GLRA1: variants seen among roughly 807,000 people sequenced by gnomAD.
GLRA1 encodes the protein glycine receptor subunit alpha-1.
GLRA1 carries 37 observed loss-of-function variants against 48.3 expected under a neutral mutation model. The ratio of observed to expected loss-of-function variants is 0.77; its 90% CI spans 0.59 to 1.01. GLRA1 has a LOEUF of 1.01. Ranked by LOEUF, GLRA1 falls within the 50% of genes least tolerant of loss-of-function variation. The probability of loss-of-function intolerance (pLI) is 0.00; values close to 1 mark genes in which losing one functional copy is unlikely to be tolerated. For missense variants in GLRA1, 427 were observed against 571.0 expected (o/e 0.75, Z 2.57); for synonymous variants, 196 against 210.7 (o/e 0.93, Z 0.60).
intron 1 of GLRA1, among the ~76,000 whole-genome samples, chr5:151,907,449 C>A (rs1235966531): frequency 6.6e-6 from 1 of 152,084 alleles, no homozygotes; most frequent in Non-Finnish European, 1.5e-5. Context: ...ACAGGTTGGA[C>A]TTTAAAACAG....
Position 151,851,444 on chromosome 5 carries a change from G to A in GLRA1, c.858C>T (p.Thr286=), listed in dbSNP as rs781137100. ...AAPARVGLGI[T]TVLTMTTQSS... is the part of the protein sequence containing the mutation. ...TCTGGGTGGTCATGGTGAGCACAGT[G>A]GTGATGCCTAGGCCCACACGAGCAG... Residue 286 remains threonine, a synonymous_variant, in exon 7 of 9, where the codon ACC becomes ACT. Coordinates refer to ENST00000274576, the MANE Select transcript of GLRA1 (RefSeq NM_000171.4). The A allele has an allele frequency of 3.7e-6, 6 of 1,614,018 alleles. No individual in the cohort carries two copies. In the East Asian group the frequency reaches 1.1e-4, roughly 30 times the overall value.
At chr5:151,844,458 C>T (rs1480580983) in intron 7 of GLRA1, among the ~76,000 whole-genome samples, 4 of 150,492 alleles carry the variant, frequency 2.7e-5, no homozygotes, top group South Asian at 4.2e-4. Context: ...CCCATCTCTA[C>T]TAAAAATATA....
intron 3 of GLRA1, among the ~76,000 whole-genome samples, chr5:151,882,406 T>C (rs1283184350): frequency 6.6e-6 from 1 of 152,246 alleles, no homozygotes; most frequent in Non-Finnish European, 1.5e-5. Flanking sequence ...CACTGCCTGG[T>C]ATGTAGTAGC....
At chr5:151,852,969 A>C (rs1431484295) in intron 6 of GLRA1, among the ~76,000 whole-genome samples, 1 of 152,234 alleles carries the variant, frequency 6.6e-6, no homozygotes, top group Admixed American at 6.5e-5. Context: ...ACATTTTTAT[A>C]TTAAGTGAAA....
At chr5:151,923,915 C>T (rs761034038) in intron 1 of GLRA1, among the ~76,000 whole-genome samples, 3 of 152,142 alleles carry the variant, frequency 2.0e-5, no homozygotes, top group Non-Finnish European at 4.4e-5. Flanking sequence ...GGTTATAATA[C>T]TATTGTTTCC....
chr5:151,826,145 G>A (rs902267330), intron 8 of GLRA1, among the ~76,000 whole-genome samples: 27 of 152,274 alleles, frequency 1.8e-4, no homozygotes, highest in African/African-American at 5.1e-4. Context: ...GGTATTAACT[G>A]GAAAATGCAT....
intron 2 of GLRA1, among the ~76,000 whole-genome samples, chr5:151,887,516 C>A (rs181945118): frequency 5.9e-5 from 9 of 152,292 alleles, no homozygotes; most frequent in Admixed American, 4.6e-4. Context: ...TTCATCATTT[C>A]AACAACTCCA....
rs547466873 is a variant in GLRA1 at position 151,825,963 on chromosome 5, A to G, written c.1059+2958T>C. Among the ~76,000 whole-genome samples the G allele has an allele frequency of 7.2e-5, 11 of 151,996 alleles. No individual in the cohort carries two copies. The East Asian group carries it at 1.2e-3, about 16-fold the overall frequency. On this transcript the variant is annotated intron_variant, in intron 8 of 8. Transcript: ENST00000274576. ...CAGAGCGGCTTACTCTAAGGAAACTATTCTTTATGGTGAGCTCACTTCTGC... is the reference window on the plus strand; with the variant it reads ...CAGAGCGGCTTACTCTAAGGAAACTGTTCTTTATGGTGAGCTCACTTCTGC...
At chr5:151,833,571 C>T (rs2113299324) in intron 7 of GLRA1, among the ~76,000 whole-genome samples, 1 of 152,236 alleles carries the variant, frequency 6.6e-6, no homozygotes, top group South Asian at 2.1e-4. Context: ...TCAAGCGATT[C>T]TCCTGCCTCA....
At chr5:151,832,652 A>ACAC (rs1763453281) in intron 7 of GLRA1, among the ~76,000 whole-genome samples, 1 of 152,248 alleles carries the variant, frequency 6.6e-6, no homozygotes, top group Admixed American at 6.5e-5. Flanking sequence ...GGACTCTGTG[A>ACAC]AAAGACCAAA....
At chr5:151,844,514 C>T (rs537868682) in intron 7 of GLRA1, among the ~76,000 whole-genome samples, 2 of 143,974 alleles carry the variant, frequency 1.4e-5, no homozygotes, top group East Asian at 2.2e-4. Flanking sequence ...TTCAGCTACT[C>T]GGGAGGCTGA....
At position 151,859,705 on chromosome 5, in the gene GLRA1, T is replaced by C. The variant is rs150177538; in HGVS notation, c.476+80A>G. ...GGCCTGTTCACCTCTGTTTGGCCCC[T>C]CTTTTAGAGTCTATGCCCAGAAGGT... On this transcript the variant is annotated intron_variant, in intron 4 of 8. Coordinates refer to ENST00000274576, the MANE Select transcript of GLRA1 (RefSeq NM_000171.4). 3.4e-4 allele frequency: 364 copies of C among 1,065,930 alleles called. 2 individuals carry two copies. In the East Asian group the frequency reaches 8.1e-3, roughly 24 times the overall value. The allele number at this position is 1,065,930 out of a possible 1,614,324, so 66.0% of individuals were successfully genotyped here.
In GLRA1 at chr5:151,892,298, A is replaced by C. The variant is rs772654498; in HGVS notation, c.184+13T>G. ...GCATTTCCCTGTGGGTCTGGAAGGA[A>C]TATTTTCTCTACCTTTAAAATTGGG... is the stretch of plus-strand genomic sequence containing the variant. On this transcript the variant is annotated intron_variant, in intron 2 of 8. Transcript: ENST00000274576. 2 of 1,613,342 alleles carry C rather than the reference A, an allele frequency of 1.2e-6. No individual in the cohort carries two copies. Among genetic ancestry groups the C allele is most frequent in the South Asian group, 2.2e-5 (2 of 91,062 alleles).
At chr5:151,850,385 C>A in intron 7 of GLRA1, 1 of 1,302,538 alleles carries the variant, frequency 7.7e-7, no homozygotes, top group Non-Finnish European at 1.1e-6. Context: ...TGATAGCAAC[C>A]TTTGATCCCA....
chr5:151,919,830 A>C (rs952140131), intron 1 of GLRA1, among the ~76,000 whole-genome samples: 1 of 152,258 alleles, frequency 6.6e-6, no homozygotes, highest in Non-Finnish European at 1.5e-5. Context: ...GAACCTGCAG[A>C]ATAGTTTCAA....
Position 151,851,389 on chromosome 5 carries a change from C to T in GLRA1, c.912+1G>A. 2 of 1,608,958 alleles carry T rather than the reference C, an allele frequency of 1.2e-6. No individual in the cohort carries two copies. Among genetic ancestry groups the T allele is most frequent in the Non-Finnish European group, 1.7e-6 (2 of 1,176,242 alleles). On this transcript the variant is annotated splice_donor_variant, in intron 7 of 8. Coordinates refer to ENST00000274576, the MANE Select transcript of GLRA1 (RefSeq NM_000171.4). LOFTEE classifies it high-confidence loss of function. ...CTGTGCTCTTGGGCAATGGGACTTA[C>T]CTTGGGCAGAGATGCTCGAGAGCCG...
At chr5:151,849,779 C>T in intron 7 of GLRA1, 1 of 723,520 alleles carries the variant, frequency 1.4e-6, no homozygotes, top group Non-Finnish European at 2.0e-6. Context: ...GTCTCCAACT[C>T]CTGACCTCAG....
rs57552809 is a variant in GLRA1, at chr5:151,855,305, C to CT, written c.560-129dup. On this transcript the variant is annotated intron_variant, in intron 5 of 8. Coordinates refer to ENST00000274576, the MANE Select transcript of GLRA1 (RefSeq NM_000171.4). ...TGATGGAACTTGTGAGACCAGGTTC[C>CT]TTTTTTTTCCTCTCAAAAGAGGTAA... is the stretch of plus-strand genomic sequence containing the variant. The CT allele has an allele frequency of 6.1e-3, 5,139 of 846,224 alleles. 138 individuals are homozygous for CT. The African/African-American group carries it at 0.062, about 10-fold the overall frequency. The allele number at this position is 846,224 out of a possible 1,614,324, so 52.4% of individuals were successfully genotyped here.
At chr5:151,859,111 G>A (rs963106962) in intron 4 of GLRA1, among the ~76,000 whole-genome samples, 1 of 152,168 alleles carries the variant, frequency 6.6e-6, no homozygotes, top group Non-Finnish European at 1.5e-5. Context: ...AAAGTACCTG[G>A]CATAGTTAGT....
Sources: gnomAD v4.1 joint callset for allele counts (sites outside exome capture counted in the v4.1 genomes callset) on GRCh38, gnomAD v4.1.1 for gene constraint, MANE v1.5 for transcripts, NCBI Gene and HGNC (gene_info 2026-07-23, HGNC 2026-07-21) for gene names.